ADGRB3: variants seen among roughly 807,000 people sequenced by gnomAD.
ADGRB3 encodes the protein adhesion G protein-coupled receptor B3, also known as brain-specific angiogenesis inhibitor 3.
In ADGRB3, 37 loss-of-function variants were observed where a neutral mutation model predicts 193.4. The ratio of observed to expected loss-of-function variants is 0.19; its 90% CI spans 0.15 to 0.25. ADGRB3 has a LOEUF of 0.25. Among genes scored for constraint, ADGRB3 ranks in the 10% least tolerant of loss-of-function variants. ADGRB3 has a pLI of 1.00. For missense variants in ADGRB3, 1,637 were observed against 1,852.9 expected, an observed-to-expected ratio of 0.88 and a Z score of 2.14; for synonymous variants, 690 against 644.2, an observed-to-expected ratio of 1.07 and a Z score of -1.08.
chr6:69,069,310 A>G (rs1376729667), intron 16 of ADGRB3, among the ~76,000 whole-genome samples: 1 of 152,020 alleles, frequency 6.6e-6, no homozygotes, highest in African/African-American at 2.4e-5. Context: ...CATATGTTAA[A>G]AGACATGACA....
chr6:69,207,448 G>A (rs1349202930), intron 17 of ADGRB3, among the ~76,000 whole-genome samples: 3 of 152,072 alleles, frequency 2.0e-5, no homozygotes, highest in African/African-American at 7.2e-5. Context: ...TTATAGGAGG[G>A]GCCAAATGCA....
intron 31 of ADGRB3, 26 bp downstream of exon 31, chr6:69,382,961 G>T (rs763017637): frequency 6.9e-7 from 1 of 1,456,598 alleles, no homozygotes; most frequent in South Asian, 1.2e-5. Flanking sequence ...TTCAATGCCT[G>T]AGTAGAAGAT....
At chr6:68,984,348 A>G (rs1251721065) in intron 10 of ADGRB3, among the ~76,000 whole-genome samples, 1 of 152,098 alleles carries the variant, frequency 6.6e-6, no homozygotes, top group Non-Finnish European at 1.5e-5. Context: ...CAGGGAAGGC[A>G]GGGCCATGAG....
intron 3 of ADGRB3, among the ~76,000 whole-genome samples, chr6:68,772,783 C>T (rs574322553): frequency 2.0e-5 from 3 of 149,154 alleles, no homozygotes; most frequent in African/African-American, 7.4e-5. Flanking sequence ...TTTGGAAGGC[C>T]GAGGTGGGCA....
intron 17 of ADGRB3, among the ~76,000 whole-genome samples, chr6:69,121,422 T>G (rs973636740): frequency 3.9e-5 from 6 of 152,092 alleles, no homozygotes; most frequent in Non-Finnish European, 8.8e-5. Context: ...ACAGACACAG[T>G]AACAATCTGA....
intron 3 of ADGRB3, among the ~76,000 whole-genome samples, chr6:68,814,384 A>G (rs801261): frequency 0.087 from 13,247 of 152,000 alleles, 659 homozygotes; most frequent in African/African-American, 0.12. Context: ...CATATCCTTC[A>G]CCCACTTTTT....
chr6:68,736,325 A>G (rs962807852), intron 3 of ADGRB3, among the ~76,000 whole-genome samples: 5 of 152,162 alleles, frequency 3.3e-5, no homozygotes, highest in African/African-American at 1.2e-4. Flanking sequence ...GCCAGAAAAT[A>G]ATTCTTTAAA....
intron 17 of ADGRB3, among the ~76,000 whole-genome samples, chr6:69,129,983 A>G (rs1582483754): frequency 6.6e-6 from 1 of 152,248 alleles, no homozygotes; most frequent in East Asian, 1.9e-4. Flanking sequence ...GAAATACTGG[A>G]AAATCCCTTG....
intron 3 of ADGRB3, among the ~76,000 whole-genome samples, chr6:68,801,661 C>T (rs534926997): frequency 6.6e-6 from 1 of 152,088 alleles, no homozygotes; most frequent in Non-Finnish European, 1.5e-5. Context: ...TGCACTCCAG[C>T]CTGGGCAACA....
chr6:68,900,855 G>T (rs1766376000), intron 3 of ADGRB3, among the ~76,000 whole-genome samples: 1 of 152,096 alleles, frequency 6.6e-6, no homozygotes, highest in South Asian at 2.1e-4. Context: ...CTCTGTATAT[G>T]AATTTGCCTT....
intron 8 of ADGRB3, among the ~76,000 whole-genome samples, chr6:68,966,627 T>C (rs898655397): frequency 6.6e-5 from 10 of 152,186 alleles, no homozygotes; most frequent in Non-Finnish European, 1.5e-4. Flanking sequence ...AATCTTCCAC[T>C]GACACACTCT....
At chr6:69,140,299 C>T (rs1561931701) in intron 17 of ADGRB3, among the ~76,000 whole-genome samples, 1 of 151,938 alleles carries the variant, frequency 6.6e-6, no homozygotes, top group African/African-American at 2.4e-5. Flanking sequence ...AAAGAACAAA[C>T]AAAGAAAAAA....
chr6:69,035,487 T>G (rs1582410513), intron 13 of ADGRB3, among the ~76,000 whole-genome samples: 1 of 152,122 alleles, frequency 6.6e-6, no homozygotes, highest in Non-Finnish European at 1.5e-5. Flanking sequence ...ACTGAAAGTA[T>G]GACTGAAGAG....
chr6:69,244,153 C>T (rs1766441176), intron 20 of ADGRB3, among the ~76,000 whole-genome samples: 1 of 151,958 alleles, frequency 6.6e-6, no homozygotes, highest in South Asian at 2.1e-4. Flanking sequence ...TCTTTTAATT[C>T]AGACTTGCAA....
intron 3 of ADGRB3, among the ~76,000 whole-genome samples, chr6:68,813,673 A>G (rs1282202086): frequency 6.6e-6 from 1 of 151,952 alleles, no homozygotes; most frequent in Admixed American, 6.6e-5. Flanking sequence ...GTCATTTAGC[A>G]TTAGGTATAT....
intron 17 of ADGRB3, among the ~76,000 whole-genome samples, chr6:69,223,063 T>C (rs1413399204): frequency 1.3e-5 from 2 of 152,082 alleles, no homozygotes; most frequent in Non-Finnish European, 2.9e-5. Context: ...CTACTACTAA[T>C]ATTTGAGTTC....
At chr6:68,653,895 A>G (rs2127282419) in intron 3 of ADGRB3, among the ~76,000 whole-genome samples, 1 of 151,332 alleles carries the variant, frequency 6.6e-6, no homozygotes, top group East Asian at 2.0e-4. Flanking sequence ...TTTCTCTCAC[A>G]GCCCCTCCCT....
At chr6:68,974,943 T>C (rs1768699294) in intron 9 of ADGRB3, 79 bp downstream of exon 9, 2 of 1,252,532 alleles carry the variant, frequency 1.6e-6, no homozygotes. Flanking sequence ...TATGAAGTCA[T>C]GTTTTTGTCT....
chr6:69,038,560 T>G (rs1391128491), intron 13 of ADGRB3, among the ~76,000 whole-genome samples: 1 of 152,172 alleles, frequency 6.6e-6, no homozygotes, highest in East Asian at 1.9e-4. Flanking sequence ...CACATTTTAT[T>G]TTGTGTTCAT....
Sources: allele counts gnomAD v4.1 joint callset (sites outside exome capture counted in the v4.1 genomes callset), GRCh38; gene constraint gnomAD v4.1.1; transcripts MANE v1.5; gene names NCBI Gene and HGNC (gene_info 2026-07-23, HGNC 2026-07-21).